The following ATP8A2 variants were observed in gnomAD, a reference collection of about 807,000 sequenced individuals.
ATP8A2 encodes the protein phospholipid-transporting ATPase IB.
ATP8A2 carries 100 observed loss-of-function variants against 165.6 expected under a neutral mutation model. That is an observed-to-expected ratio of 0.60 (90% confidence interval 0.51 to 0.71). ATP8A2 has a LOEUF of 0.71. Among genes scored for constraint, ATP8A2 ranks in the 30% least tolerant of loss-of-function variants. The pLI, the probability that ATP8A2 is intolerant of heterozygous loss-of-function variation, is 0.00. For missense variants in ATP8A2, 1,227 were observed against 1,479.5 expected (o/e 0.83, Z 2.80); for synonymous variants, 543 against 548.8 (o/e 0.99, Z 0.15).
At chr13:25,463,405 CATAA>C (rs1349305957) in intron 1 of ATP8A2, among the ~76,000 whole-genome samples, 2 of 151,798 alleles carry the variant, frequency 1.3e-5, no homozygotes, top group African/African-American at 2.4e-5. Context: ...TAAAAGTTAT[CATAA>C]ATAAACTAAT....
intron 29 of ATP8A2, 55 bp from the exon 30 acceptor site, chr13:25,839,491 A>C: frequency 7.7e-7 from 1 of 1,292,312 alleles, no homozygotes; most frequent in Non-Finnish European, 1.1e-6. Flanking sequence ...TGAGAGTTTC[A>C]CAGAGGTCAA....
At position 26,012,560 on chromosome 13, in the gene ATP8A2, GGCTGGGCCGGAAGACGCCCCCGAC is replaced by G; in HGVS notation, c.3412_3435del (p.Gly1138_Leu1145del). ...AACGAGCGCGACCGCCTGATCAAGA[GGCTGGGCCGGAAGACGCCCCCGAC>G]GCTGTTCCGGGGCAGCTCCCTGCAG... On this transcript the variant is annotated inframe_deletion, in exon 36 of 37. Transcript: ENST00000381655. 1 of 1,536,054 alleles carries G rather than the reference GGCTGGGCCGGAAGACGCCCCCGAC, an allele frequency of 6.5e-7. No individual in the cohort carries two copies. The highest frequency in any genetic ancestry group is 8.8e-7 in the Non-Finnish European group (1 of 1,140,810).
In ATP8A2 at chr13:25,468,959, T is replaced by C. The variant is rs199807614; in HGVS notation, c.77-18T>C. 1.9e-6 allele frequency: 3 copies of C among 1,613,066 alleles called. No individual in the cohort carries two copies. In the East Asian group the frequency reaches 6.7e-5, roughly 36 times the overall value. Reference sequence around the variant, plus strand: ...ACTTCTTTGTGTCGTATTCTCTGCCTGCGCCCTGTCTCTGCAGGACCTGTT... The same window carrying C: ...ACTTCTTTGTGTCGTATTCTCTGCCCGCGCCCTGTCTCTGCAGGACCTGTT... On this transcript the variant is annotated intron_variant, in intron 1 of 36. Transcript: ENST00000381655.
chr13:25,755,487 G>C (rs2044241382), intron 25 of ATP8A2, among the ~76,000 whole-genome samples: 1 of 152,142 alleles, frequency 6.6e-6, no homozygotes, highest in Non-Finnish European at 1.5e-5. Flanking sequence ...TTGAATGTAG[G>C]GGCAATTTAA....
intron 35 of ATP8A2, among the ~76,000 whole-genome samples, chr13:25,989,343 T>G (rs1351504228): frequency 1.7e-4 from 26 of 152,248 alleles, no homozygotes; most frequent in Non-Finnish European, 2.2e-4. Context: ...GTTTTAAAAG[T>G]GCATCACAGT....
At chr13:25,454,029 G>A (rs1182821096) in intron 1 of ATP8A2, among the ~76,000 whole-genome samples, 2 of 152,178 alleles carry the variant, frequency 1.3e-5, no homozygotes, top group Non-Finnish European at 2.9e-5. Context: ...AAATAGATGA[G>A]CGGTAGGATG....
chr13:25,885,850 C>A (rs552902763), intron 33 of ATP8A2, among the ~76,000 whole-genome samples: 1 of 152,218 alleles, frequency 6.6e-6, no homozygotes, highest in Non-Finnish European at 1.5e-5. Context: ...TCACACGATT[C>A]TCTCTTGCCC....
chr13:25,587,439 GAA>G (rs35160216), intron 23 of ATP8A2, among the ~76,000 whole-genome samples: 4 of 149,898 alleles, frequency 2.7e-5, no homozygotes, highest in African/African-American at 9.8e-5. Context: ...GCCATGGCTA[GAA>G]AAAAAAAGAC....
chr13:25,859,149 C>A (rs1229693678), intron 30 of ATP8A2, among the ~76,000 whole-genome samples: 5 of 151,838 alleles, frequency 3.3e-5, no homozygotes, highest in Non-Finnish European at 1.5e-5. Flanking sequence ...TTGCAGTGAC[C>A]CGAGATTGTA....
intron 2 of ATP8A2, among the ~76,000 whole-genome samples, chr13:25,488,285 T>C (rs1054237483): frequency 2.0e-5 from 3 of 152,348 alleles, no homozygotes; most frequent in African/African-American, 7.2e-5. Flanking sequence ...CTTTTCATCT[T>C]GCAAAACTGA....
intron 28 of ATP8A2, among the ~76,000 whole-genome samples, chr13:25,830,349 T>C (rs554677170): frequency 3.9e-5 from 6 of 152,234 alleles, no homozygotes; most frequent in Admixed American, 2.0e-4. Flanking sequence ...TGAGATTATA[T>C]TTTATGCAGT....
chr13:25,829,146 C>G (rs1397702254), intron 28 of ATP8A2, among the ~76,000 whole-genome samples: 1 of 152,166 alleles, frequency 6.6e-6, no homozygotes, highest in Admixed American at 6.5e-5. Context: ...CAGTAGTTTG[C>G]CCTGGCCCTG....
chr13:25,954,834 C>T (rs1955480859), intron 33 of ATP8A2, among the ~76,000 whole-genome samples: 1 of 152,162 alleles, frequency 6.6e-6, no homozygotes, highest in Non-Finnish European at 1.5e-5. Context: ...CTCAAAAACC[C>T]CATCTGAAGG....
At chr13:25,382,185 A>G (rs2032862945) in intron 1 of ATP8A2, among the ~76,000 whole-genome samples, 1 of 152,242 alleles carries the variant, frequency 6.6e-6, no homozygotes, top group Non-Finnish European at 1.5e-5. Flanking sequence ...AGCATCATAT[A>G]GCATGAAGCC....
At chr13:25,898,752 G>T (rs937405743) in intron 33 of ATP8A2, among the ~76,000 whole-genome samples, 1 of 152,202 alleles carries the variant, frequency 6.6e-6, no homozygotes, top group African/African-American at 2.4e-5. Flanking sequence ...CACCAGCCTC[G>T]CTGCCGCCTT....
At chr13:25,542,774 T>C (rs1172109778) in intron 9 of ATP8A2, among the ~76,000 whole-genome samples, 2 of 152,326 alleles carry the variant, frequency 1.3e-5, no homozygotes, top group East Asian at 3.9e-4. Context: ...ATAGCTATAC[T>C]ATGGGCTCCC....
At chr13:25,792,154 T>G (rs2045196213) in intron 27 of ATP8A2, among the ~76,000 whole-genome samples, 1 of 152,180 alleles carries the variant, frequency 6.6e-6, no homozygotes, top group Admixed American at 6.5e-5. Flanking sequence ...CTGCAAAAGT[T>G]GCTAATCAAA....
chr13:25,553,654 C>T, intron 11 of ATP8A2, 139 bp from the exon 12 acceptor site: 2 of 800,414 alleles, frequency 2.5e-6, no homozygotes, highest in East Asian at 2.5e-5. Flanking sequence ...GCCTGTGTGC[C>T]TCCTACAGAA....
At chr13:25,764,725 G>C (rs2044455285) in intron 25 of ATP8A2, among the ~76,000 whole-genome samples, 1 of 152,184 alleles carries the variant, frequency 6.6e-6, no homozygotes, top group Non-Finnish European at 1.5e-5. Context: ...ACTGCTACAT[G>C]TAATAAAGAT....
Sources: gnomAD v4.1 joint callset for allele counts (sites outside exome capture counted in the v4.1 genomes callset) on GRCh38, gnomAD v4.1.1 for gene constraint, MANE v1.5 for transcripts, NCBI Gene and HGNC (gene_info 2026-07-23, HGNC 2026-07-21) for gene names.